The following GTPBP4 variants were observed in gnomAD, a reference collection of about 807,000 sequenced individuals.
GTPBP4 encodes GTP-binding protein 4.
GTPBP4 carries 15 observed loss-of-function variants against 81.7 expected under a neutral mutation model. The ratio of observed to expected loss-of-function variants is 0.18; its 90% CI spans 0.12 to 0.28. The LOEUF (loss-of-function observed/expected upper bound fraction) is 0.28, where lower values mean the gene tolerates loss of function less well. Among genes scored for constraint, GTPBP4 ranks in the 10% least tolerant of loss-of-function variants. GTPBP4 has a pLI of 1.00. For synonymous variants in GTPBP4, 272 were observed against 274.6 expected (o/e 0.99, Z 0.09); for missense variants, 847 against 793.8 (o/e 1.07, Z -0.81).
intron 2 of GTPBP4, among the ~76,000 whole-genome samples, chr10:993,060 G>C (rs779573584): frequency 2.6e-5 from 4 of 151,872 alleles, no homozygotes; most frequent in African/African-American, 7.3e-5. Context: ...TTTCCTCTGG[G>C]CTCAGCTTGG....
Position 1,015,823 on chromosome 10 carries a change from C to T in GTPBP4, c.1679C>T (p.Pro560Leu). ...TRKRKREDSAPPSSVARSGSC... is the reference protein window; with the variant it reads ...TRKRKREDSALPSSVARSGSC... ...AAAAGAAAGCGGGAAGACTCTGCTC[C>T]CCCGTCCTCTGTGGCCCGGAGTGGG... The change falls in exon 16 of 17, where the codon CCC (proline) becomes CTC (leucine). Residue 560 changes from proline (P) to leucine (L), a missense_variant. This residue lies in a region of GTPBP4 where 600 missense variants were observed against 557.1 expected (regional missense o/e 1.08). Coordinates refer to ENST00000360803, the MANE Select transcript of GTPBP4 (RefSeq NM_012341.3). 1 of 1,614,006 alleles carries T rather than the reference C, an allele frequency of 6.2e-7. No homozygotes were observed. Among genetic ancestry groups the T allele is most frequent in the South Asian group, 1.1e-5 (1 of 91,090 alleles).
chr10:1,010,354 TG>T, intron 12 of GTPBP4, 65 bp from the exon 13 acceptor site: 1 of 807,650 alleles, frequency 1.2e-6, no homozygotes, highest in Non-Finnish European at 2.2e-6. Context: ...CAACTCATTT[TG>T]CGCACGTAGT....
At position 1,009,024 on chromosome 10, in the gene GTPBP4, A is replaced by G. The variant is rs775487426; in HGVS notation, c.1180A>G (p.Arg394Gly). 1 of 1,609,800 alleles carries G rather than the reference A, an allele frequency of 6.2e-7. No homozygotes were observed. Among genetic ancestry groups the G allele is most frequent in the Non-Finnish European group, 8.5e-7 (1 of 1,176,016 alleles). ...GAAGAGGATGGAAACTGAGGAGTCC[A>G]GGAAGAAGAGGGTATGCTGCCGAAG... ...RRKRMETEES[R>G]KKRERDLELE... The change falls in exon 11 of 17, where the codon AGG becomes GGG. Residue 394 changes from arginine (R) to glycine (G), a missense_variant. Coordinates refer to ENST00000360803, the MANE Select transcript of GTPBP4 (RefSeq NM_012341.3).
At chr10:988,918 G>T (rs553394960) in intron 1 of GTPBP4, 1 of 198,900 alleles carries the variant, frequency 5.0e-6, no homozygotes, top group African/African-American at 2.3e-5. Flanking sequence ...TCTGGGTTTG[G>T]CGTAGCCCCC....
chr10:1,003,974 A>G (rs1831682197), intron 8 of GTPBP4, among the ~76,000 whole-genome samples: 1 of 151,800 alleles, frequency 6.6e-6, no homozygotes, highest in Non-Finnish European at 1.5e-5. Context: ...TCTGTGGTGG[A>G]TCTCTGATCC....
intron 14 of GTPBP4, among the ~76,000 whole-genome samples, chr10:1,012,929 T>C (rs1026008918): frequency 6.6e-6 from 1 of 152,246 alleles, no homozygotes; most frequent in Non-Finnish European, 1.5e-5. Context: ...CTGTAACTTA[T>C]GGTTCACAGA....
intron 4 of GTPBP4, 52 bp from the exon 5 acceptor site, chr10:997,156 A>G (rs1831550165): frequency 9.2e-7 from 1 of 1,087,426 alleles, no homozygotes; most frequent in Non-Finnish European, 1.4e-6. Context: ...GAAAATTTAA[A>G]GCAAATCTTA....
intron 1 of GTPBP4, among the ~76,000 whole-genome samples, chr10:990,436 G>C (rs1831421548): frequency 6.6e-6 from 1 of 152,050 alleles, no homozygotes; most frequent in African/African-American, 2.4e-5. Context: ...AGAGAGGTAA[G>C]TCGAGGCCGG....
chr10:1,011,327 A>G (rs1377946408), intron 13 of GTPBP4, among the ~76,000 whole-genome samples: 1 of 152,200 alleles, frequency 6.6e-6, no homozygotes, highest in East Asian at 1.9e-4. Flanking sequence ...ATAAAAGTCC[A>G]CAAGTTTTAC....
In GTPBP4 at chr10:995,918, G is replaced by GT. The variant is rs1358654069; in HGVS notation, c.220-8dup. 6.5e-7 allele frequency: 1 copy of GT among 1,528,470 alleles called. No individual in the cohort carries two copies. The highest frequency in any genetic ancestry group is 1.7e-5 in the Admixed American group (1 of 58,504). The allele number at this position is 1,528,470 out of a possible 1,614,324, so 94.7% of individuals were successfully genotyped here. On this transcript the variant is annotated splice_polypyrimidine_tract_variant and intron_variant, in intron 2 of 16. Transcript: ENST00000360803. ...CCCCAAGTGACCGTGGTGTGCTTTT[G>GT]TTTGTTACAGGATATTCATCCGTTC...
Position 988,440 on chromosome 10 carries a change from T to G in GTPBP4, c.-40T>G. ...CCCACCTGCGCCCGACGGCGGAAGT[T>G]CCGGGAGTGCCAAGTACCCGCGTGC... On this transcript the variant is annotated 5_prime_UTR_variant, in exon 1 of 17. Transcript: ENST00000360803. 6.3e-7 allele frequency: 1 copy of G among 1,593,242 alleles called. No homozygotes were observed.
chr10:1,004,667 C>T (rs1462516587), intron 8 of GTPBP4, among the ~76,000 whole-genome samples: 1 of 152,190 alleles, frequency 6.6e-6, no homozygotes, highest in African/African-American at 2.4e-5. Flanking sequence ...GGCCACGGTG[C>T]TATTTACCAG....
rs1211901632 is a variant in GTPBP4, at chr10:1,018,907, A to G, written c.*1680A>G. 2.6e-5 allele frequency: 4 copies of G among 152,296 alleles called. No homozygotes were observed. The highest frequency in any genetic ancestry group is 2.6e-4 in the Admixed American group (4 of 15,298). The allele number at this position is 152,296 out of a possible 1,614,324, so 9.4% of individuals were successfully genotyped here. ...TTACTTTGTGTTAAACAACAACAGT[A>G]TGTTTTAAAGCAAGTATGTCTTTAT... On this transcript the variant is annotated 3_prime_UTR_variant, in exon 17 of 17. Coordinates refer to ENST00000360803, the MANE Select transcript of GTPBP4 (RefSeq NM_012341.3).
At chr10:1,014,994 T>A (rs1831949709) in intron 15 of GTPBP4, among the ~76,000 whole-genome samples, 1 of 152,216 alleles carries the variant, frequency 6.6e-6, no homozygotes, top group South Asian at 2.1e-4. Flanking sequence ...GGTTTCTGTC[T>A]GATGGTTGTC....
chr10:990,978 C>T lies in GTPBP4; in HGVS notation c.49-1511C>T, dbSNP rs1245797237. Among the ~76,000 whole-genome samples, 9 of 150,152 alleles carry T rather than the reference C, an allele frequency of 6.0e-5. No individual in the cohort carries two copies. The South Asian group carries it at 8.5e-4, about 14-fold the overall frequency. ...TCTTGTGTGGGCCCAGAGGGGAGACCGTGTGTGCCCCTCATAGTACTTGGC... is the reference window on the plus strand; with the variant it reads ...TCTTGTGTGGGCCCAGAGGGGAGACTGTGTGTGCCCCTCATAGTACTTGGC... On this transcript the variant is annotated intron_variant, in intron 1 of 16. Coordinates refer to ENST00000360803, the MANE Select transcript of GTPBP4 (RefSeq NM_012341.3).
At chr10:1,003,490 TTGA>T (rs1272977280) in intron 8 of GTPBP4, among the ~76,000 whole-genome samples, 2 of 152,242 alleles carry the variant, frequency 1.3e-5, no homozygotes, top group Non-Finnish European at 2.9e-5. Context: ...TGTCCCTGCA[TTGA>T]TGTCTCTGCA....
rs1311687308 is a variant in GTPBP4, at chr10:988,502, A to G, written c.23A>G (p.Lys8Arg). 1 of 1,613,140 alleles carries G rather than the reference A, an allele frequency of 6.2e-7. No homozygotes were observed. The highest frequency in any genetic ancestry group is 2.2e-5 in the East Asian group (1 of 44,870). Reference protein sequence around the residue: MAHYNFKKITVVPSAKDF... With the variant: MAHYNFKRITVVPSAKDF... ...GGCATGGCACATTACAACTTCAAGA[A>G]AATTACGGTGGTGCCGTCCGCCAAG... The change falls in exon 1 of 17, where the codon AAA becomes AGA. Residue 8 changes from lysine to arginine, a missense_variant. Lys to Arg is a conservative substitution (Grantham distance 26, BLOSUM62 2). This residue lies in a region of GTPBP4 where 241 missense variants were observed against 216.3 expected (regional missense o/e 1.11). Transcript: ENST00000360803.
chr10:1,005,443 C>G (rs1391455203), intron 8 of GTPBP4, among the ~76,000 whole-genome samples: 1 of 152,170 alleles, frequency 6.6e-6, no homozygotes, highest in African/African-American at 2.4e-5. Flanking sequence ...CGCGCCTGGC[C>G]CCTGGTGTTT....
In GTPBP4 at chr10:1,009,149, C is replaced by T. The variant is rs950689441; in HGVS notation, c.1191+114C>T. The T allele has an allele frequency of 5.2e-5, 37 of 717,100 alleles. No individual in the cohort carries two copies. The East Asian group carries it at 7.9e-4, about 15-fold the overall frequency. The allele number at this position is 717,100 out of a possible 1,614,324, so 44.4% of individuals were successfully genotyped here. On this transcript the variant is annotated intron_variant, in intron 11 of 16. Coordinates refer to ENST00000360803, the MANE Select transcript of GTPBP4 (RefSeq NM_012341.3). ...GCCGCGGGTGCCCAGACACTGGCCCCGTCAGGCTGCGGACACAGCAGTGAG... is the reference window on the plus strand; with the variant it reads ...GCCGCGGGTGCCCAGACACTGGCCCTGTCAGGCTGCGGACACAGCAGTGAG...
Sources: allele counts gnomAD v4.1 joint callset (sites outside exome capture counted in the v4.1 genomes callset), GRCh38; gene constraint gnomAD v4.1.1; regional missense constraint gnomAD v4.1.1; transcripts MANE v1.5; gene names NCBI Gene and HGNC (gene_info 2026-07-23, HGNC 2026-07-21).